The following KLRB1 variants were observed in gnomAD, a reference collection of about 807,000 sequenced individuals.
KLRB1 encodes killer cell lectin-like receptor subfamily B member 1.
Under a neutral mutation model 33.5 loss-of-function variants are expected in KLRB1, and 27 were observed. That is an observed-to-expected ratio of 0.81 (90% CI 0.59 to 1.11). KLRB1 has a LOEUF of 1.11. Among genes scored for constraint, KLRB1 ranks in the 50% most tolerant of loss-of-function variants. KLRB1 has a pLI of 0.00. For synonymous variants in KLRB1, 64 were observed against 88.9 expected (o/e 0.72, Z 1.58); for missense variants, 241 against 254.1 (o/e 0.95, Z 0.35).
intron 1 of KLRB1, among the ~76,000 whole-genome samples, chr12:9,605,493 A>G (rs1864589451): frequency 6.6e-6 from 1 of 152,260 alleles, no homozygotes; most frequent in South Asian, 2.1e-4. Context: ...TCACTGCTGT[A>G]TTCACAGCAT....
intron 1 of KLRB1, among the ~76,000 whole-genome samples, chr12:9,605,172 C>G (rs1349038565): frequency 6.6e-6 from 1 of 152,126 alleles, no homozygotes; most frequent in Admixed American, 6.5e-5. Flanking sequence ...TGAAATCATC[C>G]TTTTTTATGG....
At chr12:9,600,504 T>G (rs1012015835) in intron 2 of KLRB1, among the ~76,000 whole-genome samples, 2 of 152,200 alleles carry the variant, frequency 1.3e-5, no homozygotes, top group Non-Finnish European at 2.9e-5. Context: ...TTACTGTGTC[T>G]GTGTAGAAAG....
At chr12:9,595,491 T>C in intron 5 of KLRB1, 70 bp from the exon 6 acceptor site, 1 of 1,425,684 alleles carries the variant, frequency 7.0e-7, no homozygotes, top group Non-Finnish European at 9.8e-7. Flanking sequence ...TTAGCCATTA[T>C]TTCCTAGGAC....
intron 1 of KLRB1, among the ~76,000 whole-genome samples, chr12:9,601,826 T>C (rs1864546545): frequency 6.6e-6 from 1 of 152,124 alleles, no homozygotes; most frequent in Non-Finnish European, 1.5e-5. Context: ...ATTGATAAAA[T>C]ATGAACGCTT....
chr12:9,598,273 G>C, intron 4 of KLRB1, 112 bp from the exon 5 acceptor site: 1 of 775,240 alleles, frequency 1.3e-6, no homozygotes, highest in Non-Finnish European at 2.2e-6. Flanking sequence ...CTCGTCGTCA[G>C]CATTAATTAT....
chr12:9,606,663 TAAA>T (rs1414131200), intron 1 of KLRB1, among the ~76,000 whole-genome samples: 2 of 93,568 alleles, frequency 2.1e-5, no homozygotes, highest in African/African-American at 1.4e-4. Flanking sequence ...TATATATATA[TAAA>T]ATATATAAAA....
In KLRB1 at chr12:9,595,323, C is replaced by T; in HGVS notation, c.629G>A (p.Cys210Tyr). The change falls in exon 6 of 6, where the codon TGC becomes TAC. Residue 210 changes from cysteine to tyrosine, a missense_variant. Physicochemically the swap from Cys to Tyr is radical, Grantham distance 194. Transcript: ENST00000229402. ...TCTCACAGGTGTTAGTTCTTTTTGG[C>T]AGATCCATCTGATTTCTGTACTACA... is the stretch of plus-strand genomic sequence containing the variant. Reference protein sequence around the residue: ...EYCSTEIRWICQKELTPVRNK... With the variant: ...EYCSTEIRWIYQKELTPVRNK... The T allele has an allele frequency of 1.9e-6, 3 of 1,613,238 alleles. No homozygotes were observed. The highest frequency in any genetic ancestry group is 2.5e-6 in the Non-Finnish European group (3 of 1,179,362).
chr12:9,601,625 A>AAAACAAAC (rs3072720), intron 1 of KLRB1, 26 bp from the exon 2 acceptor site: 17 of 1,308,558 alleles, frequency 1.3e-5, no homozygotes, highest in East Asian at 7.1e-5. Context: ...GAAAAACACA[A>AAAACAAAC]AAACAAACAA....
intron 4 of KLRB1, 61 bp from the exon 5 acceptor site, chr12:9,598,222 A>T (rs1272703662): frequency 9.2e-7 from 1 of 1,091,578 alleles, no homozygotes; most frequent in African/African-American, 1.6e-5. Context: ...ATCCCCTAAA[A>T]CCTAGTTCAA....
At chr12:9,603,301 A>G (rs942139520) in intron 1 of KLRB1, among the ~76,000 whole-genome samples, 4 of 152,122 alleles carry the variant, frequency 2.6e-5, no homozygotes, top group African/African-American at 9.7e-5. Flanking sequence ...CCAGTTTTAT[A>G]TATGTACGTT....
intron 5 of KLRB1, among the ~76,000 whole-genome samples, 184 bp downstream of exon 5, chr12:9,597,862 C>T (rs912511851): frequency 1.9e-4 from 29 of 152,128 alleles, no homozygotes; most frequent in Non-Finnish European, 3.2e-4. Context: ...TCATAAAGAG[C>T]TGATATCTTT....
At chr12:9,603,598 ATTT>A (rs35214620) in intron 1 of KLRB1, among the ~76,000 whole-genome samples, 24 of 136,502 alleles carry the variant, frequency 1.8e-4, no homozygotes, top group Admixed American at 2.9e-4. Flanking sequence ...CTAATTTTGT[ATTT>A]TTTTTTTTTT....
At chr12:9,605,786 C>T (rs966818483) in intron 1 of KLRB1, among the ~76,000 whole-genome samples, 36 of 152,260 alleles carry the variant, frequency 2.4e-4, no homozygotes, top group African/African-American at 8.4e-4. Flanking sequence ...ACATATTTTG[C>T]TCTGGCTTTA....
intron 1 of KLRB1, among the ~76,000 whole-genome samples, chr12:9,604,269 A>G (rs565688403): frequency 3.3e-5 from 5 of 152,186 alleles, no homozygotes; most frequent in Non-Finnish European, 5.9e-5. Context: ...TTTAAAAAGT[A>G]TGTGAAATCA....
chr12:9,607,335 C>CCTTCCTTTCTTTCTTT (rs1864621978), intron 1 of KLRB1, among the ~76,000 whole-genome samples: 6 of 65,168 alleles, frequency 9.2e-5, no homozygotes, highest in Admixed American at 3.7e-4. Context: ...CTCTTTCTTT[C>CCTTCCTTTCTTTCTTT]CTTTCTTTCT....
chr12:9,607,326 T>TTTC (rs1403665574), intron 1 of KLRB1, among the ~76,000 whole-genome samples: 1 of 53,788 alleles, frequency 1.9e-5, no homozygotes, highest in Non-Finnish European at 4.3e-5. Context: ...CTTTTCTTTC[T>TTTC]CTTTCTTTCC....
At chr12:9,598,022 A>T in intron 5 of KLRB1, 24 bp downstream of exon 5, 2 of 1,051,466 alleles carry the variant, frequency 1.9e-6, no homozygotes, top group Non-Finnish European at 2.9e-6. Context: ...ATTGAATATT[A>T]AAGTTAGCTC....
chr12:9,596,749 A>T (rs890581087), intron 5 of KLRB1, among the ~76,000 whole-genome samples: 4 of 152,202 alleles, frequency 2.6e-5, no homozygotes, highest in Admixed American at 6.5e-5. Context: ...ACAATAAAAT[A>T]AACATTTTGC....
chr12:9,595,815 A>G (rs978263443), intron 5 of KLRB1, among the ~76,000 whole-genome samples: 1 of 152,176 alleles, frequency 6.6e-6, no homozygotes, highest in Non-Finnish European at 1.5e-5. Context: ...AGGCATGGAG[A>G]TGAAATATGA....
Sources: gnomAD v4.1 joint callset for allele counts (sites outside exome capture counted in the v4.1 genomes callset) on GRCh38, gnomAD v4.1.1 for gene constraint, MANE v1.5 for transcripts, NCBI Gene and HGNC (gene_info 2026-07-23, HGNC 2026-07-21) for gene names.